Variants in PDE3B observed in about 807,000 individuals in gnomAD.
PDE3B encodes cGMP-inhibited 3',5'-cyclic phosphodiesterase 3B.
Under a neutral mutation model 116.8 loss-of-function variants are expected in PDE3B, and 66 were observed. The ratio of observed to expected loss-of-function variants is 0.56; its 90% confidence interval spans 0.46 to 0.69. The LOEUF (loss-of-function observed/expected upper bound fraction) is 0.69. Ranked by LOEUF, PDE3B falls within the 30% of genes least tolerant of loss-of-function variation. The pLI is 0.00. For synonymous variants in PDE3B, 595 were observed against 533.6 expected (o/e 1.12, Z -1.59); for missense variants, 1,384 against 1,368.1 (o/e 1.01, Z -0.18).
At chr11:14,649,154 A>G (rs556202430) in intron 1 of PDE3B, among the ~76,000 whole-genome samples, 1 of 151,980 alleles carries the variant, frequency 6.6e-6, no homozygotes, top group African/African-American at 2.4e-5. Flanking sequence ...TTGTCATCAG[A>G]CTCTGTCCTC....
At chr11:14,842,091 G>T (rs1376448906) in intron 11 of PDE3B, among the ~76,000 whole-genome samples, 1 of 151,906 alleles carries the variant, frequency 6.6e-6, no homozygotes, top group African/African-American at 2.4e-5. Flanking sequence ...TTTTTCAGTA[G>T]ATTTCTTGGG....
intron 5 of PDE3B, 83 bp from the exon 6 acceptor site, chr11:14,818,100 C>A: frequency 3.3e-6 from 3 of 919,238 alleles, no homozygotes; most frequent in Non-Finnish European, 3.2e-6. Flanking sequence ...GGAAAAAATC[C>A]ATAAAAACAC....
chr11:14,794,831 G>A (rs1858502978), intron 4 of PDE3B, among the ~76,000 whole-genome samples: 1 of 152,190 alleles, frequency 6.6e-6, no homozygotes, highest in Non-Finnish European at 1.5e-5. Context: ...ACTCAAGGAA[G>A]CATGTTTACT....
intron 1 of PDE3B, among the ~76,000 whole-genome samples, chr11:14,684,970 C>G (rs1187974117): frequency 6.6e-6 from 1 of 151,848 alleles, no homozygotes; most frequent in African/African-American, 2.4e-5. Context: ...GTTTTATAAT[C>G]AATTTGTACA....
the PDE3B span, among the ~76,000 whole-genome samples, chr11:14,894,004 T>C: frequency 6.6e-6 from 1 of 152,102 alleles, no homozygotes; most frequent in Non-Finnish European, 1.5e-5. Flanking sequence ...TCTGAGAGTG[T>C]TTCCAATTTC....
intron 1 of PDE3B, among the ~76,000 whole-genome samples, chr11:14,649,086 T>C (rs1853493173): frequency 6.6e-6 from 1 of 152,186 alleles, no homozygotes. Context: ...CTCCATAATT[T>C]GTTTTTATAC....
chr11:14,883,605 A>G, the PDE3B span, among the ~76,000 whole-genome samples: 2 of 152,142 alleles, frequency 1.3e-5, no homozygotes, highest in South Asian at 2.1e-4. Flanking sequence ...AGGCATTACC[A>G]TTCAGGAGAT....
chr11:14,648,841 T>C (rs1404777487), intron 1 of PDE3B, among the ~76,000 whole-genome samples: 1 of 152,178 alleles, frequency 6.6e-6, no homozygotes, highest in Non-Finnish European at 1.5e-5. Flanking sequence ...CTGCTTCTTG[T>C]TATTGACATT....
chr11:14,678,071 G>A (rs1854587356), intron 1 of PDE3B, among the ~76,000 whole-genome samples: 1 of 152,094 alleles, frequency 6.6e-6, no homozygotes. Flanking sequence ...TGGGATTACA[G>A]GCATGCACCA....
In PDE3B at chr11:14,783,129, A is replaced by G. The variant is rs375198430; in HGVS notation, c.1030-3308A>G. 1.1e-4 allele frequency among the ~76,000 whole-genome samples: 16 copies of G among 152,294 alleles called. No individual in the cohort carries two copies. In the South Asian group the frequency reaches 1.7e-3, roughly 16 times the overall value. ...GAACAACAGGTGCTGGAGAGGATGT[A>G]GAGAAATAGGAACACTTTTACACTG... On this transcript the variant is annotated intron_variant, in intron 2 of 15. Transcript: ENST00000282096.
chr11:14,756,700 TGTATG>T (rs913161024), intron 1 of PDE3B, among the ~76,000 whole-genome samples: 1 of 152,188 alleles, frequency 6.6e-6, no homozygotes. Flanking sequence ...CAGGATTACT[TGTATG>T]GTAATAGCAC....
chr11:14,699,610 C>T (rs778671046), intron 1 of PDE3B, among the ~76,000 whole-genome samples: 1 of 151,620 alleles, frequency 6.6e-6, no homozygotes, highest in South Asian at 2.1e-4. Context: ...AAATGTTTGG[C>T]GTCTTTATGA....
At chr11:14,721,560 G>A (rs1361971216) in intron 1 of PDE3B, among the ~76,000 whole-genome samples, 6 of 151,334 alleles carry the variant, frequency 4.0e-5, no homozygotes, top group African/African-American at 9.8e-5. Flanking sequence ...TGAAGAAAAT[G>A]TGGCACATAT....
chr11:14,887,943 T>C, the PDE3B span, among the ~76,000 whole-genome samples: 10 of 152,220 alleles, frequency 6.6e-5, no homozygotes, highest in Non-Finnish European at 1.3e-4. Context: ...CCTAATTTCA[T>C]CCTTGTCTTT....
In PDE3B at chr11:14,869,719, G is replaced by C. The variant is rs1359515219; in HGVS notation, c.*59G>C. On this transcript the variant is annotated 3_prime_UTR_variant, in exon 16 of 16. Coordinates refer to ENST00000282096, the MANE Select transcript of PDE3B (RefSeq NM_000922.4). Reference sequence around the variant, plus strand: ...GAAGCCCAGAGGGTTGTGCCCAGGGGCAGAAATCATTGCCTAGTGTTCACC... The same window carrying C: ...GAAGCCCAGAGGGTTGTGCCCAGGGCCAGAAATCATTGCCTAGTGTTCACC... 20 of 1,435,664 alleles carry C rather than the reference G, an allele frequency of 1.4e-5. No individual in the cohort carries two copies. Among genetic ancestry groups the C allele is most frequent in the Non-Finnish European group, 1.8e-5 (19 of 1,033,082 alleles). 88.9% of individuals were successfully genotyped at this position (1,435,664 alleles called of 1,614,324 possible).
At position 14,786,464 on chromosome 11, in the gene PDE3B, CT is replaced by C. The variant is rs779475140; in HGVS notation, c.1060del (p.Ser354GlnfsTer3). Reference protein sequence around the residue: ...QNSGGGNGVDLSVLNEARNMV... With the variant: ...QNSGGGNGVDXSVLNEARNMV... ...TTCTGGAGGTGGAAATGGAGTTGAT[CT>C]TTCAGTGCTAAATGAGGCTCGCAAT... is the stretch of plus-strand genomic sequence containing the variant. On this transcript the variant is annotated frameshift_variant, in exon 3 of 16. Transcript: ENST00000282096. LOFTEE classifies it high-confidence loss of function. 5 of 1,610,746 alleles carry C rather than the reference CT, an allele frequency of 3.1e-6. No individual in the cohort carries two copies. The African/African-American group carries it at 6.7e-5, about 22-fold the overall frequency.
Position 14,693,834 on chromosome 11 carries a change from G to T in PDE3B, c.978+48781G>T, listed in dbSNP as rs545288971. 4.6e-5 allele frequency among the ~76,000 whole-genome samples: 7 copies of T among 152,234 alleles called. No individual in the cohort carries two copies. In the South Asian group the frequency reaches 1.5e-3, roughly 32 times the overall value. ...TTGACTTTCAAATCTTATTATTTCAGAATTACATCTTATAAGGCTATAGCT... is the reference window on the plus strand; with the variant it reads ...TTGACTTTCAAATCTTATTATTTCATAATTACATCTTATAAGGCTATAGCT... On this transcript the variant is annotated intron_variant, in intron 1 of 15. Coordinates refer to ENST00000282096, the MANE Select transcript of PDE3B (RefSeq NM_000922.4).
At chr11:14,744,531 TTTA>T (rs1482809070) in intron 1 of PDE3B, among the ~76,000 whole-genome samples, 4 of 152,228 alleles carry the variant, frequency 2.6e-5, no homozygotes, top group Non-Finnish European at 5.9e-5. Flanking sequence ...TACCAAGTAT[TTTA>T]TTATTTTTGA....
intron 12 of PDE3B, among the ~76,000 whole-genome samples, chr11:14,845,235 G>C (rs1265772047): frequency 5.9e-5 from 9 of 152,046 alleles, no homozygotes; most frequent in Admixed American, 5.9e-4. Context: ...ACAGGGTCTG[G>C]AGTGCACCTC....
Sources: gnomAD v4.1 joint callset for allele counts (sites outside exome capture counted in the v4.1 genomes callset) on GRCh38, gnomAD v4.1.1 for gene constraint, MANE v1.5 for transcripts, NCBI Gene and HGNC (gene_info 2026-07-23, HGNC 2026-07-21) for gene names.